DCTN1: variants seen among roughly 807,000 people sequenced by gnomAD.
DCTN1 encodes the protein 150 kDa dynein-associated polypeptide.
Under a neutral mutation model 161.2 loss-of-function variants are expected in DCTN1, and 61 were observed. That is an observed-to-expected ratio of 0.38 (90% CI 0.31 to 0.47). The LOEUF (loss-of-function observed/expected upper bound fraction) is 0.47. DCTN1 is among the 20% of genes least tolerant of loss of function. The pLI, the probability that DCTN1 is intolerant of heterozygous loss-of-function variation, is 0.99. For missense variants in DCTN1, 1,404 were observed against 1,623.7 expected, an observed-to-expected ratio of 0.86 and a Z score of 2.33; for synonymous variants, 653 against 632.4, an observed-to-expected ratio of 1.03 and a Z score of -0.49.
intron 1 of DCTN1, chr2:74,391,470 G>C (rs1250576527): frequency 3.8e-6 from 1 of 265,140 alleles, no homozygotes; most frequent in South Asian, 3.5e-5. Context: ...TCAACCATGT[G>C]CCCACAGGAA....
At chr2:74,372,796 T>C in intron 7 of DCTN1, 132 bp downstream of exon 7, 1 of 989,844 alleles carries the variant, frequency 1.0e-6, no homozygotes, top group Non-Finnish European at 1.6e-6. Flanking sequence ...ACCCCCACCC[T>C]TTCCTCTGAA....
rs149440626 is a variant in DCTN1 at position 74,362,713 on chromosome 2, C to T, written c.3546G>A (p.Ser1182=). ...TRTSPAAKSP[S]AQLMEQVAQL... ...GAGCCACTTGCTCCATAAGTTGGGCCGACGGGCTCTTGGCAGCTGTGGGGA... is the reference window on the plus strand; with the variant it reads ...GAGCCACTTGCTCCATAAGTTGGGCTGACGGGCTCTTGGCAGCTGTGGGGA... Residue 1182 remains serine, a synonymous_variant, in exon 30 of 32, where the codon TCG becomes TCA. Transcript: ENST00000628224. 5.6e-5 allele frequency: 91 copies of T among 1,613,938 alleles called. No individual in the cohort carries two copies. In the African/African-American group the frequency reaches 5.9e-4, roughly 10 times the overall value.
At chr2:74,386,314 C>G (rs1397252408) in intron 1 of DCTN1, among the ~76,000 whole-genome samples, 1 of 152,226 alleles carries the variant, frequency 6.6e-6, no homozygotes, top group East Asian at 1.9e-4. Flanking sequence ...TCATCAAATA[C>G]AAGCGCTACT....
In DCTN1 at chr2:74,362,035, C is replaced by CCCATG; in HGVS notation, c.3699+12_3699+16dup. 6.2e-7 allele frequency: 1 copy of CCCATG among 1,612,470 alleles called. No individual in the cohort carries two copies. Among genetic ancestry groups the CCCATG allele is most frequent in the Non-Finnish European group, 8.5e-7 (1 of 1,179,076 alleles). ...CTCTCCACACTGTCCCATCCTCCAC[C>CCCATG]CCATGCTCCCCCTCACCCTGAGGAA... is the stretch of plus-strand genomic sequence containing the variant. On this transcript the variant is annotated intron_variant, in intron 31 of 31. Coordinates refer to ENST00000628224, the MANE Select transcript of DCTN1 (RefSeq NM_004082.5).
Position 74,377,989 on chromosome 2 carries a change from G to A in DCTN1, c.279+11C>T, listed in dbSNP as rs752451001. On this transcript the variant is annotated intron_variant, in intron 2 of 31. Transcript: ENST00000628224. The stretch of plus-strand genomic sequence containing the variant: ...CACACATGCACAGACACAAAAGAAG[G>A]GCGTGAATACCTGGGACTGGCGCAC... 4.3e-6 allele frequency: 7 copies of A among 1,613,862 alleles called. No homozygotes were observed. In the South Asian group the frequency reaches 5.5e-5, roughly 13 times the overall value.
At chr2:74,383,356 T>C (rs895361166), upstream of DCTN1, among the ~76,000 whole-genome samples, 5 of 152,222 alleles carry the variant, frequency 3.3e-5, no homozygotes, top group Non-Finnish European at 5.9e-5. Flanking sequence ...TAAACATTTA[T>C]TGAATAACAT....
chr2:74,365,415 C>T, intron 25 of DCTN1, 100 bp downstream of exon 25: 1 of 1,585,234 alleles, frequency 6.3e-7, no homozygotes, highest in East Asian at 2.3e-5. Context: ...AATGGGGAGT[C>T]TCACTATAAG....
chr2:74,391,642 C>A, intron 1 of DCTN1: 1 of 365,920 alleles, frequency 2.7e-6, no homozygotes. Context: ...TCGGGGCAAA[C>A]GCTCAGGCGG....
upstream of DCTN1, chr2:74,380,590 C>A (rs1228729389): frequency 4.2e-6 from 2 of 471,466 alleles, no homozygotes; most frequent in African/African-American, 2.0e-5. Context: ...CCTAGAGCCT[C>A]CACACAGCCA....
At position 74,371,522 on chromosome 2, in the gene DCTN1, T is replaced by G. The variant is rs1259387538; in HGVS notation, c.645+15A>C. Reference sequence around the variant, plus strand: ...GGGTGTCTTGATTCTCCTTTACCCCTACCCCAGGCCTTACCTTGGATGGGG... The same window carrying G: ...GGGTGTCTTGATTCTCCTTTACCCCGACCCCAGGCCTTACCTTGGATGGGG... On this transcript the variant is annotated intron_variant, in intron 8 of 31. Transcript: ENST00000628224. 2.6e-6 allele frequency: 4 copies of G among 1,558,764 alleles called. No individual in the cohort carries two copies. The highest frequency in any genetic ancestry group is 1.4e-5 in the African/African-American group (1 of 73,562).
At chr2:74,377,823 A>T in intron 2 of DCTN1, 97 bp from the exon 3 acceptor site, 2 of 1,467,152 alleles carry the variant, frequency 1.4e-6, no homozygotes, top group East Asian at 4.5e-5. Context: ...CAAGCAAACC[A>T]AGAGTACAGG....
Position 74,369,860 on chromosome 2 carries a change from A to G in DCTN1, c.1392+105T>C. 9.3e-7 allele frequency: 1 copy of G among 1,072,016 alleles called. No individual in the cohort carries two copies. The highest frequency in any genetic ancestry group is 1.4e-6 in the Non-Finnish European group (1 of 699,804). The allele number at this position is 1,072,016 out of a possible 1,614,324, so 66.4% of individuals were successfully genotyped here. ...AAGGCAGGGTCAGGGTAGCAAGCCC[A>G]GGCTGGGTCCCTCACCGCACACCCT... On this transcript the variant is annotated intron_variant, in intron 13 of 31. Coordinates refer to ENST00000628224, the MANE Select transcript of DCTN1 (RefSeq NM_004082.5). The surrounding 1 kb of genome is among the most constrained non-coding windows in gnomAD (Gnocchi z 4.9).
At chr2:74,389,854 A>C (rs1323933916) in intron 1 of DCTN1, among the ~76,000 whole-genome samples, 1 of 152,180 alleles carries the variant, frequency 6.6e-6, no homozygotes, top group Non-Finnish European at 1.5e-5. Flanking sequence ...TTATCAACCT[A>C]AATTGTCTAA....
Position 74,370,164 on chromosome 2 carries a change from T to A in DCTN1, c.1287+22A>T, listed in dbSNP as rs1573161843. On this transcript the variant is annotated intron_variant, in intron 12 of 31. Coordinates refer to ENST00000628224, the MANE Select transcript of DCTN1 (RefSeq NM_004082.5). The surrounding 1 kb of genome is among the most constrained non-coding windows in gnomAD (Gnocchi z 4.4). ...GGAGAGTCAGGTGGGGGATTCTGGGTGAGGGGCTGGGCTCCCCAGACCTGC... is the reference window on the plus strand; with the variant it reads ...GGAGAGTCAGGTGGGGGATTCTGGGAGAGGGGCTGGGCTCCCCAGACCTGC... The A allele has an allele frequency of 6.2e-7, 1 of 1,613,626 alleles. No individual in the cohort carries two copies. Among genetic ancestry groups the A allele is most frequent in the Non-Finnish European group, 8.5e-7 (1 of 1,180,010 alleles).
intron 3 of DCTN1, 42 bp from the exon 4 acceptor site, chr2:74,377,508 G>T: frequency 6.4e-7 from 1 of 1,572,540 alleles, no homozygotes; most frequent in Non-Finnish European, 8.8e-7. Flanking sequence ...CTTGTATAGA[G>T]AGGTAGGGGG....
At chr2:74,384,878 T>C (rs1285882554), upstream of DCTN1, 1 of 152,104 alleles carries the variant, frequency 6.6e-6, no homozygotes, top group African/African-American at 2.4e-5. Context: ...AAAGCACTAG[T>C]AAGGAAGAGA....
chr2:74,374,551 C>T, intron 5 of DCTN1: 10 of 1,370,106 alleles, frequency 7.3e-6, no homozygotes, highest in Admixed American at 2.3e-5. Context: ...AGCCTGCAAA[C>T]GGCCGCCGCT....
At chr2:74,389,523 T>TTATG (rs1003593735) in intron 1 of DCTN1, among the ~76,000 whole-genome samples, 1 of 152,218 alleles carries the variant, frequency 6.6e-6, no homozygotes, top group African/African-American at 2.4e-5. Flanking sequence ...CTCAATGGTA[T>TTATG]TATGATTCAC....
At chr2:74,364,835 A>G (rs952849121) in intron 26 of DCTN1, 1 of 568,636 alleles carries the variant, frequency 1.8e-6, no homozygotes, top group Non-Finnish European at 3.2e-6. Context: ...ACCAACTGTC[A>G]TCATTATTCT....
Sources: gnomAD v4.1 joint callset for allele counts (sites outside exome capture counted in the v4.1 genomes callset) on GRCh38, gnomAD v4.1.1 for gene constraint, Gnocchi (gnomAD v3.1) non-coding constraint, MANE v1.5 for transcripts, NCBI Gene and HGNC (gene_info 2026-07-23, HGNC 2026-07-21) for gene names.